The following GLMN variants were observed in gnomAD, a reference collection of about 807,000 sequenced individuals.
The protein encoded by GLMN is glomulin.
GLMN carries 75 observed loss-of-function variants against 87.8 expected under a neutral mutation model. The observed-to-expected ratio is 0.85, with a 90% CI of 0.71 to 1.04. GLMN has a LOEUF of 1.04. Among genes scored for constraint, GLMN ranks in the 50% least tolerant of loss-of-function variants. The pLI is 0.00. For synonymous variants in GLMN, 206 were observed against 221.6 expected, an observed-to-expected ratio of 0.93 and a Z score of 0.63; for missense variants, 588 against 658.8, an observed-to-expected ratio of 0.89 and a Z score of 1.18.
the GLMN span, among the ~76,000 whole-genome samples, chr1:92,308,250 C>G: frequency 6.6e-6 from 1 of 152,154 alleles, no homozygotes; most frequent in Admixed American, 6.5e-5. Context: ...CACTGTGTGG[C>G]CCTTGATAAT....
the GLMN span, among the ~76,000 whole-genome samples, chr1:92,307,978 C>G: frequency 6.6e-6 from 1 of 151,608 alleles, no homozygotes; most frequent in Admixed American, 6.6e-5. Context: ...TGTATTATAG[C>G]AACACAAGGC....
chr1:92,253,268 G>GTC (rs1234374998), intron 16 of GLMN, among the ~76,000 whole-genome samples: 1 of 152,190 alleles, frequency 6.6e-6, no homozygotes, highest in African/African-American at 2.4e-5. Flanking sequence ...AGCAGCTCCA[G>GTC]TCAGGGGCTT....
chr1:92,347,979 G>A, the GLMN span, among the ~76,000 whole-genome samples: 2 of 151,732 alleles, frequency 1.3e-5, no homozygotes, highest in African/African-American at 4.8e-5. Context: ...GCACAATCTC[G>A]GCTCACTGCA....
At chr1:92,323,444 G>A in the GLMN span, 1 of 1,567,948 alleles carries the variant, frequency 6.4e-7, no homozygotes, top group African/African-American at 1.4e-5. Context: ...TCATTCTACA[G>A]TGGCCATTCT....
upstream of GLMN, among the ~76,000 whole-genome samples, chr1:92,303,784 G>T (rs537413218): frequency 4.0e-5 from 6 of 151,062 alleles, no homozygotes; most frequent in African/African-American, 1.2e-4. Flanking sequence ...CTTTTTTTTT[G>T]AATGCTCACT....
intron 18 of GLMN, 81 bp downstream of exon 18, chr1:92,246,981 C>T (rs998600964): frequency 7.5e-6 from 6 of 801,260 alleles, no homozygotes; most frequent in African/African-American, 6.7e-5. Context: ...CACAATCATG[C>T]CACTGCACTC....
chr1:92,307,368 C>T, the GLMN span: 2 of 814,196 alleles, frequency 2.5e-6, no homozygotes, highest in Non-Finnish European at 3.8e-6. Context: ...GTCTAGTTTT[C>T]TGTAAAAAGT....
intron 15 of GLMN, 23 bp from the exon 16 acceptor site, chr1:92,262,949 A>G (rs905849789): frequency 3.3e-6 from 3 of 905,494 alleles, no homozygotes; most frequent in Non-Finnish European, 5.5e-6. Flanking sequence ...AATATATGTT[A>G]CTTACAGTAT....
rs1298819572 is a variant in GLMN, at chr1:92,247,869, A to AT, written c.1585+8dup. On this transcript the variant is annotated intron_variant, in intron 17 of 18. Transcript: ENST00000370360. ...GACCTAATTGAAAACAAAATTGCAC[A>AT]TTACCAACCTTGGCTATTTTTAATT... The AT allele has an allele frequency of 1.0e-6, 1 of 998,294 alleles. No individual in the cohort carries two copies. The highest frequency in any genetic ancestry group is 1.6e-5 in the African/African-American group (1 of 63,278). 61.8% of individuals were successfully genotyped at this position (998,294 alleles called of 1,614,324 possible).
the GLMN span, chr1:92,323,722 G>A: frequency 6.2e-7 from 1 of 1,614,140 alleles, no homozygotes; most frequent in Non-Finnish European, 8.5e-7. Flanking sequence ...ACAGACAGTA[G>A]TAGATGTCAC....
In GLMN at chr1:92,246,415, C is replaced by G. The variant is rs2046620; in HGVS notation, c.*115G>C. 318,720 of 638,150 alleles carry G rather than the reference C, an allele frequency of 0.5. 86,206 individuals are homozygous for G. The highest frequency in any genetic ancestry group is 0.96 in the East Asian group (34,547 of 35,928). The allele number at this position is 638,150 out of a possible 1,614,324, so 39.5% of individuals were successfully genotyped here. A position where few individuals can be genotyped will look rare whatever the true frequency, so the allele number is the denominator to read the frequency against. ...TATAGAAATTGATAAATGAGAAAAG[C>G]TACATTTATTTTTCAAGCAGTAAAT... On this transcript the variant is annotated 3_prime_UTR_variant, in exon 19 of 19. Coordinates refer to ENST00000370360, the MANE Select transcript of GLMN (RefSeq NM_053274.3).
At chr1:92,249,770 A>G (rs1250510677) in intron 16 of GLMN, among the ~76,000 whole-genome samples, 1 of 151,996 alleles carries the variant, frequency 6.6e-6, no homozygotes, top group Non-Finnish European at 1.5e-5. Context: ...GTTGCTCTAC[A>G]TTTCCTCCTC....
chr1:92,251,648 G>A (rs1423675425), intron 16 of GLMN, among the ~76,000 whole-genome samples: 2 of 152,108 alleles, frequency 1.3e-5, no homozygotes, highest in East Asian at 1.9e-4. Flanking sequence ...ACAAGCCACA[G>A]ACTGGAATAT....
chr1:92,367,906 C>T, the GLMN span, among the ~76,000 whole-genome samples: 1 of 152,174 alleles, frequency 6.6e-6, no homozygotes, highest in African/African-American at 2.4e-5. Flanking sequence ...GAAAATCCTT[C>T]TATGAGAGAG....
chr1:92,366,312 G>T, the GLMN span, among the ~76,000 whole-genome samples: 1 of 152,116 alleles, frequency 6.6e-6, no homozygotes, highest in Non-Finnish European at 1.5e-5. Flanking sequence ...CTTAAAAAAA[G>T]TGTCTGAATT....
the GLMN span, among the ~76,000 whole-genome samples, chr1:92,322,931 T>C: frequency 2.0e-5 from 3 of 147,710 alleles, no homozygotes; most frequent in African/African-American, 7.4e-5. Context: ...AAACTACATA[T>C]ATACTTTATA....
chr1:92,343,325 T>C, the GLMN span, among the ~76,000 whole-genome samples: 1 of 152,224 alleles, frequency 6.6e-6, no homozygotes, highest in East Asian at 1.9e-4. Flanking sequence ...ACAAGAACCC[T>C]GTGAGGTGGG....
At chr1:92,346,018 T>C in the GLMN span, 9 of 745,614 alleles carry the variant, frequency 1.2e-5, no homozygotes, top group African/African-American at 1.1e-4. Flanking sequence ...TTGGAAAATA[T>C]CATACCTCTA....
At chr1:92,299,081 A>G, upstream of GLMN, 1 of 1,507,966 alleles carries the variant, frequency 6.6e-7, no homozygotes, top group Non-Finnish European at 8.9e-7. Flanking sequence ...CCCATGGCGG[A>G]CTTCGCTGGG....
Sources: allele counts gnomAD v4.1 joint callset (sites outside exome capture counted in the v4.1 genomes callset), GRCh38; gene constraint gnomAD v4.1.1; transcripts MANE v1.5; gene names NCBI Gene and HGNC (gene_info 2026-07-23, HGNC 2026-07-21).